Variants in IQCK observed in about 807,000 individuals in gnomAD.
IQCK encodes the protein IQ motif containing K.
Under a neutral mutation model 28.1 loss-of-function variants are expected in IQCK, and 29 were observed. The observed-to-expected ratio is 1.03, with a 90% CI of 0.77 to 1.41. The LOEUF is 1.41. Among genes scored for constraint, IQCK ranks in the 40% most tolerant of loss-of-function variants. The probability of loss-of-function intolerance (pLI) is 0.00; values close to 1 mark genes in which losing one functional copy is unlikely to be tolerated. For missense variants in IQCK, 359 were observed against 314.7 expected (o/e 1.14, Z -1.07); for synonymous variants, 113 against 115.1 (o/e 0.98, Z 0.12).
In IQCK at chr16:19,753,837, T is replaced by C. The variant is rs578247185; in HGVS notation, c.475-10011T>C. Among the ~76,000 whole-genome samples the C allele has an allele frequency of 5.9e-4, 89 of 151,966 alleles. No individual in the cohort carries two copies. In the Middle Eastern group the frequency reaches 0.01, roughly 17 times the overall value. ...TTATCCCGGGCTGGCTTCCTTTGGA[T>C]TGGCAAAACAGCTGCGACCACTGCC... On this transcript the variant is annotated intron_variant, in intron 4 of 7. Coordinates refer to ENST00000564186, the Ensembl canonical transcript of IQCK.
chr16:19,801,284 T>C (rs1567562189), intron 7 of IQCK, among the ~76,000 whole-genome samples: 1 of 109,296 alleles, frequency 9.1e-6, no homozygotes. Flanking sequence ...TTCACAGTCT[T>C]TCTCTCTCTC....
intron 9 of IQCK, among the ~76,000 whole-genome samples, chr16:19,852,601 C>A (rs895021453): frequency 6.6e-6 from 1 of 151,122 alleles, no homozygotes; most frequent in African/African-American, 2.4e-5. Context: ...TATTCCGTGC[C>A]TCTCATCTTT....
At chr16:19,818,030 G>A (rs1242400846) in intron 7 of IQCK, among the ~76,000 whole-genome samples, 7 of 151,822 alleles carry the variant, frequency 4.6e-5, no homozygotes, top group Admixed American at 4.6e-4. Flanking sequence ...GGGTATTCTT[G>A]TGTGCTTAGA....
exon 10 of IQCK, chr16:19,858,339 C>T (rs1236147469): frequency 4.5e-6 from 2 of 449,404 alleles, no homozygotes; most frequent in Non-Finnish European, 7.9e-6. Context: ...AAAAAGGTCT[C>T]ATTAAATGAG....
At chr16:19,780,476 T>C (rs893534858) in intron 6 of IQCK, among the ~76,000 whole-genome samples, 28 of 152,324 alleles carry the variant, frequency 1.8e-4, no homozygotes, top group Middle Eastern at 3.4e-3. Flanking sequence ...TGGCCCATCC[T>C]GTTTATTTTT....
chr16:19,728,027 AT>A (rs1408093223), intron 1 of IQCK, among the ~76,000 whole-genome samples: 2 of 151,984 alleles, frequency 1.3e-5, no homozygotes, highest in African/African-American at 2.4e-5. Context: ...CTGACTTTAA[AT>A]TAGGGAGATT....
chr16:19,839,145 ATTTATTTAT>A (rs2056334835), intron 9 of IQCK, among the ~76,000 whole-genome samples: 1 of 69,698 alleles, frequency 1.4e-5, no homozygotes, highest in African/African-American at 6.2e-5. Context: ...AACTGAGAAA[ATTTATTTAT>A]TTATTTATTT....
At chr16:19,822,528 A>G (rs887122165) in intron 7 of IQCK, among the ~76,000 whole-genome samples, 1 of 152,176 alleles carries the variant, frequency 6.6e-6, no homozygotes, top group Admixed American at 6.5e-5. Flanking sequence ...TTAAAATATG[A>G]TATGCTGACT....
At chr16:19,733,513 A>G (rs1170325417) in intron 2 of IQCK, among the ~76,000 whole-genome samples, 185 bp from the exon 3 acceptor site, 1 of 152,080 alleles carries the variant, frequency 6.6e-6, no homozygotes. Flanking sequence ...TTTCTCTATC[A>G]GGGGTTTCTG....
chr16:19,824,548 T>G (rs888868187), intron 7 of IQCK, among the ~76,000 whole-genome samples: 1 of 152,196 alleles, frequency 6.6e-6, no homozygotes. Flanking sequence ...TAGCCCTATT[T>G]AATAGTTAGA....
intron 7 of IQCK, among the ~76,000 whole-genome samples, chr16:19,822,067 C>CAAAAAAAAAAAAAA (rs35060834): frequency 6.2e-5 from 4 of 64,562 alleles, no homozygotes; most frequent in Admixed American, 3.9e-4. Flanking sequence ...GACCCTGTCT[C>CAAAAAAAAAAAAAA]AAAAAAAAAA....
chr16:19,778,421 C>T (rs192539615), intron 6 of IQCK, among the ~76,000 whole-genome samples: 14 of 152,028 alleles, frequency 9.2e-5, no homozygotes, highest in African/African-American at 2.7e-4. Context: ...TTTGGGAGGC[C>T]GAGGCGGGAG....
At chr16:19,855,897 G>T (rs2056553383) in intron 9 of IQCK, among the ~76,000 whole-genome samples, 1 of 152,110 alleles carries the variant, frequency 6.6e-6, no homozygotes, top group Non-Finnish European at 1.5e-5. Context: ...CCCACCAAGG[G>T]ACTGGGTTTC....
intron 4 of IQCK, among the ~76,000 whole-genome samples, chr16:19,743,534 A>G (rs2054866300): frequency 6.6e-6 from 1 of 152,222 alleles, no homozygotes; most frequent in African/African-American, 2.4e-5. Flanking sequence ...ATGTCATTCT[A>G]AGCACTTTAC....
chr16:19,718,766 T>C (rs958608925), intron 1 of IQCK, among the ~76,000 whole-genome samples: 1 of 152,228 alleles, frequency 6.6e-6, no homozygotes, highest in African/African-American at 2.4e-5. Flanking sequence ...GTGTGGACCA[T>C]TGGTTCTTAA....
chr16:19,826,093 A>T (rs1392114378), intron 7 of IQCK, among the ~76,000 whole-genome samples: 1 of 151,304 alleles, frequency 6.6e-6, no homozygotes, highest in African/African-American at 2.4e-5. Context: ...TGCAGCCTCA[A>T]CCTCCCAGGC....
intron 9 of IQCK, among the ~76,000 whole-genome samples, chr16:19,839,285 C>T (rs1279720200): frequency 2.6e-5 from 4 of 151,658 alleles, no homozygotes; most frequent in African/African-American, 7.3e-5. Flanking sequence ...CTCAGCCTCC[C>T]GAGTAGCTGG....
intron 7 of IQCK, among the ~76,000 whole-genome samples, chr16:19,805,815 C>G (rs1044064308): frequency 6.6e-6 from 1 of 150,768 alleles, no homozygotes; most frequent in East Asian, 2.0e-4. Context: ...TTACTCAAAT[C>G]AATATCCCCA....
intron 6 of IQCK, among the ~76,000 whole-genome samples, chr16:19,772,575 G>A (rs1231724234): frequency 6.6e-6 from 1 of 152,146 alleles, no homozygotes; most frequent in Non-Finnish European, 1.5e-5. Context: ...TATGGACAGG[G>A]GTGAGGGAGG....
Sources: gnomAD v4.1 joint callset for allele counts (sites outside exome capture counted in the v4.1 genomes callset) on GRCh38, gnomAD v4.1.1 for gene constraint, MANE v1.5 for transcripts, NCBI Gene and HGNC (gene_info 2026-07-23, HGNC 2026-07-21) for gene names.